DDX52: variants seen among roughly 807,000 people sequenced by gnomAD.
The protein encoded by DDX52 is DExD-box helicase 52.
Under a neutral mutation model 76.1 loss-of-function variants are expected in DDX52, and 59 were observed. The ratio of observed to expected loss-of-function variants is 0.78; its 90% CI spans 0.63 to 0.96. The LOEUF (loss-of-function observed/expected upper bound fraction) is 0.96. Ranked by LOEUF, DDX52 falls within the 40% of genes least tolerant of loss-of-function variation. The pLI is 0.00. For missense variants in DDX52, 707 were observed against 703.9 expected (o/e 1.00, Z -0.05); for synonymous variants, 231 against 244.1 (o/e 0.95, Z 0.50).
intron 2 of DDX52, 85 bp from the exon 3 acceptor site, chr17:37,633,503 T>A: frequency 1.7e-6 from 2 of 1,146,580 alleles, no homozygotes; most frequent in Non-Finnish European, 2.2e-6. Context: ...AAATTAAAAA[T>A]TAGTCAAGGG....
At chr17:37,636,508 C>T (rs991867539) in intron 2 of DDX52, among the ~76,000 whole-genome samples, 5 of 152,094 alleles carry the variant, frequency 3.3e-5, no homozygotes, top group African/African-American at 1.2e-4. Flanking sequence ...AAATTTTTTG[C>T]ACCAAAATAA....
chr17:37,625,851 T>TA lies in DDX52; in HGVS notation c.1136+43dup, dbSNP rs201448621. On this transcript the variant is annotated intron_variant, in intron 8 of 14. Transcript: ENST00000617633. The stretch of plus-strand genomic sequence containing the variant: ...TCAGTCTTTAAAAAAGACTTGTATT[T>TA]AAAAAAAAAATCAGTGTGATAATGT... 1,355 of 1,464,838 alleles carry TA rather than the reference T, an allele frequency of 9.3e-4. 2 individuals carry two copies. Among genetic ancestry groups the TA allele is most frequent in the African/African-American group, 2.5e-3 (179 of 71,280 alleles). 90.7% of individuals were successfully genotyped at this position (1,464,838 alleles called of 1,614,324 possible). A position where few individuals can be genotyped will look rare whatever the true frequency, so the allele number is the denominator to read the frequency against.
intron 8 of DDX52, 145 bp downstream of exon 8, chr17:37,625,750 T>A: frequency 2.3e-6 from 2 of 860,928 alleles, no homozygotes; most frequent in Non-Finnish European, 3.5e-6. Flanking sequence ...CCTTAAACAA[T>A]CTTGGCTTAA....
intron 1 of DDX52, chr17:37,642,939 C>T (rs865891540): frequency 1.2e-5 from 2 of 167,790 alleles, no homozygotes; most frequent in African/African-American, 2.4e-5. Context: ...TACAACTATA[C>T]GCATGCCAAG....
intron 6 of DDX52, 30 bp from the exon 7 acceptor site, chr17:37,626,890 A>G: frequency 6.3e-7 from 1 of 1,581,702 alleles, no homozygotes; most frequent in East Asian, 2.2e-5. Context: ...TAGAAATTGC[A>G]AAAACAGGAT....
Position 37,618,309 on chromosome 17 carries a change from T to C in DDX52, c.1725A>G (p.Glu575=), listed in dbSNP as rs761727698. ...ATACTTACTGTTTATCCTTAGCTTT[T>C]TCTAAGAAACATTTTGGAGTTGTAC... The part of the protein sequence containing the change: ...SISTTPKCFL[E]KAKDKQKKVT... The change falls in exon 14 of 15, where the codon GAA becomes GAG. Residue 575 remains glutamate (E), a synonymous_variant. Coordinates refer to ENST00000617633, the MANE Select transcript of DDX52 (RefSeq NM_007010.5). The C allele has an allele frequency of 6.2e-7, 1 of 1,600,272 alleles. No homozygotes were observed. The highest frequency in any genetic ancestry group is 8.5e-7 in the Non-Finnish European group (1 of 1,176,488).
intron 14 of DDX52, among the ~76,000 whole-genome samples, chr17:37,616,066 T>C (rs548164804): frequency 1.3e-5 from 2 of 152,346 alleles, no homozygotes; most frequent in African/African-American, 4.8e-5. Context: ...ATGTATCTTA[T>C]TAAAATTCAA....
rs903949012 is a variant in DDX52 at position 37,610,466 on chromosome 17, G to A, written c.*3830C>T. ...CTTTTAATCAAACTACTGTCTGGAA[G>A]TAAAACATGAAAGTTGAGTAATTTT... On this transcript the variant is annotated 3_prime_UTR_variant, in exon 15 of 15. Coordinates refer to ENST00000617633, the MANE Select transcript of DDX52 (RefSeq NM_007010.5). 3 of 151,906 alleles carry A rather than the reference G, an allele frequency of 2.0e-5. No individual in the cohort carries two copies. The highest frequency in any genetic ancestry group is 6.6e-5 in the Admixed American group (1 of 15,248). 9.4% of individuals were successfully genotyped at this position (151,906 alleles called of 1,614,324 possible). A position where few individuals can be genotyped will look rare whatever the true frequency, so the allele number is the denominator to read the frequency against.
At chr17:37,641,841 G>C (rs1164020248) in intron 2 of DDX52, among the ~76,000 whole-genome samples, 1 of 152,144 alleles carries the variant, frequency 6.6e-6, no homozygotes, top group East Asian at 1.9e-4. Flanking sequence ...TTCAGAGAAA[G>C]GGTACATACC....
chr17:37,623,432 A>G (rs1423511285), intron 9 of DDX52, among the ~76,000 whole-genome samples: 2 of 152,132 alleles, frequency 1.3e-5, no homozygotes, highest in Non-Finnish European at 2.9e-5. Flanking sequence ...CTCAAAAACA[A>G]AAACAAAATT....
In DDX52 at chr17:37,611,734, CAA is replaced by C. The variant is rs66850175; in HGVS notation, c.*2560_*2561del. The C allele has an allele frequency of 6.2e-4, 52 of 83,330 alleles. No homozygotes were observed. Among genetic ancestry groups the C allele is most frequent in the Middle Eastern group, 8.5e-3 (1 of 118 alleles). 5.2% of individuals were successfully genotyped at this position (83,330 alleles called of 1,614,324 possible). A position where few individuals can be genotyped will look rare whatever the true frequency, so the allele number is the denominator to read the frequency against. On this transcript the variant is annotated 3_prime_UTR_variant, in exon 15 of 15. Transcript: ENST00000617633. ...GGGCAACAGAGCAAGACTCCATCTCCAAAAAAAAAAAAAAAAAAAAATCTAAA... is the reference window on the plus strand; with the variant it reads ...GGGCAACAGAGCAAGACTCCATCTCCAAAAAAAAAAAAAAAAAAATCTAAA...
chr17:37,640,584 T>C (rs1168020627), intron 2 of DDX52, among the ~76,000 whole-genome samples: 1 of 151,744 alleles, frequency 6.6e-6, no homozygotes, highest in Non-Finnish European at 1.5e-5. Context: ...AACTTTACTT[T>C]TCATCATTGT....
chr17:37,639,095 C>T (rs1434997042), intron 2 of DDX52, among the ~76,000 whole-genome samples: 7 of 151,818 alleles, frequency 4.6e-5, no homozygotes, highest in Admixed American at 3.9e-4. Flanking sequence ...AAACGTAATG[C>T]GCAGAAGGCC....
Position 37,611,957 on chromosome 17 carries a change from A to C in DDX52, c.*2339T>G, listed in dbSNP as rs78983511. The C allele has an allele frequency of 8.6e-5, 11 of 127,246 alleles. No individual in the cohort carries two copies. The highest frequency in any genetic ancestry group is 6.1e-4 in the Admixed American group (7 of 11,434). The allele number at this position is 127,246 out of a possible 1,614,324, so 7.9% of individuals were successfully genotyped here. A position where few individuals can be genotyped will look rare whatever the true frequency, so the allele number is the denominator to read the frequency against. The stretch of plus-strand genomic sequence containing the variant: ...AATTAGGTAACAGACCCTGTTTCTC[A>C]AAAAAAAAAAAAAAAACAAAACAAA... On this transcript the variant is annotated 3_prime_UTR_variant, in exon 15 of 15. Transcript: ENST00000617633.
intron 14 of DDX52, among the ~76,000 whole-genome samples, chr17:37,617,602 C>T (rs777170706): frequency 2.0e-5 from 3 of 152,192 alleles, no homozygotes; most frequent in Non-Finnish European, 4.4e-5. Flanking sequence ...TGTGCATCTG[C>T]GTAAGCCTGA....
chr17:37,637,579 G>T (rs2030991650), intron 2 of DDX52, among the ~76,000 whole-genome samples: 1 of 151,692 alleles, frequency 6.6e-6, no homozygotes, highest in African/African-American at 2.4e-5. Context: ...TCTTTGTTTT[G>T]TTGTTTGTTT....
At chr17:37,615,880 G>A (rs560279676) in intron 14 of DDX52, among the ~76,000 whole-genome samples, 50 of 152,122 alleles carry the variant, frequency 3.3e-4, no homozygotes, top group Non-Finnish European at 4.4e-4. Flanking sequence ...TGGGCATGGT[G>A]GTGTGTGCCT....
rs2064387786 is a variant in DDX52 at position 37,613,241 on chromosome 17, A to G, written c.*1055T>C. The G allele has an allele frequency of 6.6e-6, 1 of 152,220 alleles. No individual in the cohort carries two copies. The highest frequency in any genetic ancestry group is 1.5e-5 in the Non-Finnish European group (1 of 68,028). The allele number at this position is 152,220 out of a possible 1,614,324, so 9.4% of individuals were successfully genotyped here. On this transcript the variant is annotated 3_prime_UTR_variant, in exon 15 of 15. Coordinates refer to ENST00000617633, the MANE Select transcript of DDX52 (RefSeq NM_007010.5). ...ATTGTACAAAACTCATATTTTGAGA[A>G]AAATCTAATAGCTAATAGTCTCCAA... is the stretch of plus-strand genomic sequence containing the variant.
chr17:37,625,782 A>C, intron 8 of DDX52, 113 bp downstream of exon 8: 2 of 1,154,854 alleles, frequency 1.7e-6, no homozygotes, highest in Admixed American at 4.5e-5. Flanking sequence ...TCAATCAGTA[A>C]AACTCTCTCC....
Sources: gnomAD v4.1 joint callset for allele counts (sites outside exome capture counted in the v4.1 genomes callset) on GRCh38, gnomAD v4.1.1 for gene constraint, MANE v1.5 for transcripts, NCBI Gene and HGNC (gene_info 2026-07-23, HGNC 2026-07-21) for gene names.